The following DAB1 variants were observed in gnomAD, a reference collection of about 807,000 sequenced individuals.
The protein encoded by DAB1 is DAB adaptor protein 1, also known as disabled homolog 1.
A neutral mutation model predicts 64.6 loss-of-function variants in DAB1; 15 were observed. The ratio of observed to expected loss-of-function variants is 0.23; its 90% confidence interval spans 0.16 to 0.36. The LOEUF (loss-of-function observed/expected upper bound fraction) is 0.36, where lower values mean the gene tolerates loss of function less well. Among genes scored for constraint, DAB1 ranks in the 10% least tolerant of loss-of-function variants. DAB1 has a pLI of 1.00. For synonymous variants in DAB1, 235 were observed against 251.9 expected, an observed-to-expected ratio of 0.93 and a Z score of 0.64; for missense variants, 596 against 706.7, an observed-to-expected ratio of 0.84 and a Z score of 1.78.
chr1:58,001,088 C>A (rs1245852231), intron 5 of DAB1, among the ~76,000 whole-genome samples: 1 of 150,660 alleles, frequency 6.6e-6, no homozygotes, highest in African/African-American at 2.4e-5. Context: ...CCTTCCTCTC[C>A]TTCCCCTTCT....
At chr1:57,074,661 C>T (rs1344708481) in intron 4 of DAB1, among the ~76,000 whole-genome samples, 1 of 152,252 alleles carries the variant, frequency 6.6e-6, no homozygotes, top group African/African-American at 2.4e-5. Flanking sequence ...TCTTAGAACT[C>T]TCTCTATGGC....
At chr1:57,732,972 G>GCATAATTT (rs1557449355) in intron 6 of DAB1, among the ~76,000 whole-genome samples, 1 of 152,132 alleles carries the variant, frequency 6.6e-6, no homozygotes, top group Non-Finnish European at 1.5e-5. Context: ...TTTGCATGGT[G>GCATAATTT]CCCTGCAAAT....
chr1:58,124,709 G>A (rs1398248438), intron 5 of DAB1, among the ~76,000 whole-genome samples: 1 of 152,170 alleles, frequency 6.6e-6, no homozygotes, highest in Admixed American at 6.5e-5. Flanking sequence ...GTCAGTGAGA[G>A]CTGTCACCTG....
intron 7 of DAB1, among the ~76,000 whole-genome samples, chr1:57,578,334 C>CT (rs2101546506): frequency 1.3e-5 from 2 of 152,372 alleles, no homozygotes; most frequent in East Asian, 3.9e-4. Flanking sequence ...CAGGCCAAAG[C>CT]TTCTGGCACT....
chr1:57,592,336 G>T (rs1645454933), intron 7 of DAB1, among the ~76,000 whole-genome samples: 1 of 152,082 alleles, frequency 6.6e-6, no homozygotes, highest in African/African-American at 2.4e-5. Flanking sequence ...GAGCACCCTG[G>T]GTTTACTTCT....
At chr1:57,992,880 G>A (rs557305504) in intron 5 of DAB1, among the ~76,000 whole-genome samples, 34 of 151,978 alleles carry the variant, frequency 2.2e-4, no homozygotes, top group East Asian at 3.9e-4. Context: ...TCTAGACCCC[G>A]ATGCAGTTAC....
chr1:57,332,721 C>T (rs530041610), intron 1 of DAB1, among the ~76,000 whole-genome samples: 25 of 152,250 alleles, frequency 1.6e-4, no homozygotes, highest in African/African-American at 6.0e-4. Flanking sequence ...GCTTCTTACC[C>T]ATGCCCAATA....
At chr1:58,000,072 G>C (rs1009564504) in intron 5 of DAB1, among the ~76,000 whole-genome samples, 3 of 151,838 alleles carry the variant, frequency 2.0e-5, no homozygotes, top group Non-Finnish European at 4.4e-5. Flanking sequence ...GAGGGAGGAG[G>C]CTAAATGGCT....
At chr1:58,033,820 T>G (rs1218372214) in intron 5 of DAB1, among the ~76,000 whole-genome samples, 1 of 151,942 alleles carries the variant, frequency 6.6e-6, no homozygotes, top group Non-Finnish European at 1.5e-5. Flanking sequence ...AGAATCATCT[T>G]TTTTTTTAGG....
rs1028475423 is a variant in DAB1, at chr1:58,165,887, G to C, written n.310-15299C>G. On this transcript the variant is annotated intron_variant and non_coding_transcript_variant, in intron 4 of 20. Transcript: ENST00000485760. ...ACTGTATGCTACACATCTTATGTGT[G>C]TGGCCTCATTTAATTCTTTGTAAAA... is the stretch of plus-strand genomic sequence containing the variant. Among the ~76,000 whole-genome samples, 5 of 152,236 alleles carry C rather than the reference G, an allele frequency of 3.3e-5. No homozygotes were observed. In the East Asian group the frequency reaches 7.7e-4, roughly 23 times the overall value.
At chr1:57,043,511 T>G (rs913139546) in intron 9 of DAB1, among the ~76,000 whole-genome samples, 1 of 152,178 alleles carries the variant, frequency 6.6e-6, no homozygotes, top group African/African-American at 2.4e-5. Flanking sequence ...TTTTGCCCAC[T>G]TAAGTTCATC....
chr1:57,754,138 G>C (rs1648683297), intron 6 of DAB1, among the ~76,000 whole-genome samples: 1 of 152,108 alleles, frequency 6.6e-6, no homozygotes, highest in African/African-American at 2.4e-5. Flanking sequence ...TGGAGAAAAG[G>C]GGGCAGATTT....
chr1:58,214,317 C>T (rs897566377), intron 4 of DAB1, among the ~76,000 whole-genome samples: 3 of 152,144 alleles, frequency 2.0e-5, no homozygotes, highest in Non-Finnish European at 2.9e-5. Flanking sequence ...CTGTTGTGTG[C>T]TCACATATTA....
At chr1:57,491,434 AT>A (rs1207461455) in intron 7 of DAB1, among the ~76,000 whole-genome samples, 2 of 152,036 alleles carry the variant, frequency 1.3e-5, no homozygotes, top group African/African-American at 4.8e-5. Flanking sequence ...TCTCAAAAAA[AT>A]AAAAATTAAA....
intron 7 of DAB1, among the ~76,000 whole-genome samples, chr1:57,593,695 G>C (rs913254189): frequency 1.3e-5 from 2 of 152,180 alleles, no homozygotes; most frequent in Non-Finnish European, 2.9e-5. Context: ...AGCAGTGCCT[G>C]TCATGAAGGC....
intron 3 of DAB1, among the ~76,000 whole-genome samples, chr1:58,486,809 A>G (rs982227726): frequency 1.3e-5 from 2 of 152,184 alleles, no homozygotes; most frequent in Admixed American, 6.5e-5. Flanking sequence ...AGACAGAGAA[A>G]TCAGCAAGTA....
chr1:57,413,384 T>G (rs1258073647), intron 1 of DAB1, among the ~76,000 whole-genome samples: 1 of 152,206 alleles, frequency 6.6e-6, no homozygotes, highest in Non-Finnish European at 1.5e-5. Context: ...AGGCTATAGC[T>G]GCCATAAATA....
intron 3 of DAB1, among the ~76,000 whole-genome samples, chr1:58,381,143 TC>T (rs1304460025): frequency 6.6e-6 from 1 of 152,138 alleles, no homozygotes; most frequent in Non-Finnish European, 1.5e-5. Flanking sequence ...GGAGCCTGTC[TC>T]AGGGGGAAAA....
intron 6 of DAB1, among the ~76,000 whole-genome samples, chr1:57,681,303 G>A (rs1646633970): frequency 6.6e-6 from 1 of 152,098 alleles, no homozygotes; most frequent in African/African-American, 2.4e-5. Flanking sequence ...CAGTTGTATT[G>A]GATTAGGGGA....
Sources: allele counts gnomAD v4.1 joint callset (sites outside exome capture counted in the v4.1 genomes callset), GRCh38; gene constraint gnomAD v4.1.1; transcripts MANE v1.5; gene names NCBI Gene and HGNC (gene_info 2026-07-23, HGNC 2026-07-21).